The following PNPT1 variants were observed in gnomAD, a reference collection of about 807,000 sequenced individuals.
PNPT1 encodes the protein polyribonucleotide nucleotidyltransferase 1, also known as polyribonucleotide nucleotidyltransferase 1, mitochondrial.
Under a neutral mutation model 119.5 loss-of-function variants are expected in PNPT1, and 53 were observed. The ratio of observed to expected loss-of-function variants is 0.44; its 90% CI spans 0.36 to 0.56. The LOEUF (loss-of-function observed/expected upper bound fraction) is 0.56, where lower values mean the gene tolerates loss of function less well. Among genes scored for constraint, PNPT1 ranks in the 20% least tolerant of loss-of-function variants. The pLI, the probability that PNPT1 is intolerant of heterozygous loss-of-function variation, is 0.00. For missense variants in PNPT1, 948 were observed against 938.5 expected (o/e 1.01, Z -0.13); for synonymous variants, 357 against 322.1 (o/e 1.11, Z -1.16).
In PNPT1 at chr2:55,647,406, T is replaced by A. The variant is rs1213166669; in HGVS notation, c.1543A>T (p.Thr515Ser). The A allele has an allele frequency of 6.2e-7, 1 of 1,609,882 alleles. No homozygotes were observed. Among genetic ancestry groups the A allele is most frequent in the Admixed American group, 1.7e-5 (1 of 59,934 alleles). Reference sequence around the variant, plus strand: ...TCACCCTTCTCAGGATCGGTTTTGGTGACCAATCCTATTGCTACGCCTGCA... The same window carrying A: ...TCACCCTTCTCAGGATCGGTTTTGGAGACCAATCCTATTGCTACGCCTGCA... ...AVAGVAIGLV[T>S]KTDPEKGEIE... Residue 515 changes from threonine (T) to serine (S), a missense_variant, in exon 19 of 28, where the codon ACC becomes TCC. Coordinates refer to ENST00000447944, the MANE Select transcript of PNPT1 (RefSeq NM_033109.5).
chr2:55,642,409 A>G (rs1695859448), intron 25 of PNPT1, among the ~76,000 whole-genome samples: 1 of 151,390 alleles, frequency 6.6e-6, no homozygotes, highest in South Asian at 2.1e-4. Context: ...GATCGAGACC[A>G]TCCTGGCTAA....
At chr2:55,677,072 G>T (rs1386978456) in intron 8 of PNPT1, among the ~76,000 whole-genome samples, 1 of 152,192 alleles carries the variant, frequency 6.6e-6, no homozygotes, top group Non-Finnish European at 1.5e-5. Flanking sequence ...CTGAATAGCT[G>T]CATGGAAATA....
At chr2:55,645,515 A>C (rs1397961740) in intron 21 of PNPT1, 83 bp from the exon 22 acceptor site, 2 of 854,500 alleles carry the variant, frequency 2.3e-6, no homozygotes, top group Non-Finnish European at 3.7e-6. Context: ...CACGGTATAC[A>C]ATCTAAACCC....
intron 25 of PNPT1, among the ~76,000 whole-genome samples, chr2:55,642,952 A>C (rs1695878920): frequency 6.6e-6 from 1 of 152,146 alleles, no homozygotes; most frequent in Non-Finnish European, 1.5e-5. Flanking sequence ...CCATGTCTTT[A>C]CAAAAAAATT....
Position 55,673,019 on chromosome 2 carries a change from A to G in PNPT1, c.740T>C (p.Val247Ala), listed in dbSNP as rs761790478. 6.2e-7 allele frequency: 1 copy of G among 1,612,748 alleles called. No individual in the cohort carries two copies. The stretch of plus-strand genomic sequence containing the variant: ...TATTTGTTGGGTATATTTCACTCCC[A>G]CTTTGATAGCATGGCAAAAGTCCTG... ...LQQDFCHAIK[V>A]GVKYTQQIIQ... The change falls in exon 9 of 28, where the codon GTG becomes GCG. Residue 247 changes from valine (V) to alanine (A), a missense_variant. Coordinates refer to ENST00000447944, the MANE Select transcript of PNPT1 (RefSeq NM_033109.5).
chr2:55,661,656 A>G (rs1331618876), intron 14 of PNPT1, among the ~76,000 whole-genome samples: 1 of 152,212 alleles, frequency 6.6e-6, no homozygotes, highest in African/African-American at 2.4e-5. Flanking sequence ...AGAAAAACCA[A>G]TCCATTCAAG....
At chr2:55,686,247 T>C in intron 3 of PNPT1, 123 bp downstream of exon 3, 3 of 808,516 alleles carry the variant, frequency 3.7e-6, no homozygotes, top group Non-Finnish European at 5.7e-6. Context: ...ATCAAAAAAC[T>C]AGGAAAAATT....
In PNPT1 at chr2:55,683,864, C is replaced by T. The variant is rs373515322; in HGVS notation, c.404-30G>A. ...CAAAAGAAAAAAAAACACATTAAAC[C>T]GTACTGACAGAGTTGCTTTACAGTT... On this transcript the variant is annotated intron_variant, in intron 4 of 27. Coordinates refer to ENST00000447944, the MANE Select transcript of PNPT1 (RefSeq NM_033109.5). 19 of 1,606,224 alleles carry T rather than the reference C, an allele frequency of 1.2e-5. 1 individual carries two copies. The highest frequency in any genetic ancestry group is 8.9e-5 in the East Asian group (4 of 44,802).
rs747893131 is a variant in PNPT1 at position 55,693,811 on chromosome 2, T to C, written c.13A>G (p.Arg5Gly). ...AGCCGGAGGCACGAGCAGCAGTACC[T>C]GCAGGCCGCCATGACACCCGGCACG... Reference protein sequence around the residue: MAACRYCCSCLRLRP... With the variant: MAACGYCCSCLRLRP... Residue 5 changes from arginine (R) to glycine (G), a missense_variant, in exon 1 of 28, where the codon AGG (arginine) becomes GGG (glycine). Transcript: ENST00000447944. The C allele has an allele frequency of 3.1e-6, 5 of 1,613,698 alleles. No homozygotes were observed. Among genetic ancestry groups the C allele is most frequent in the Non-Finnish European group, 8.5e-7 (1 of 1,180,024 alleles).
intron 15 of PNPT1, among the ~76,000 whole-genome samples, chr2:55,657,940 A>T (rs971355638): frequency 2.7e-5 from 4 of 147,290 alleles, no homozygotes; most frequent in Admixed American, 1.4e-4. Context: ...ATTTAAAAAG[A>T]CTTAAAGAAA....
chr2:55,637,441 A>G lies in PNPT1; in HGVS notation c.2196+111T>C. On this transcript the variant is annotated intron_variant, in intron 27 of 27. Coordinates refer to ENST00000447944, the MANE Select transcript of PNPT1 (RefSeq NM_033109.5). ...TAAGATTAAAAATGAAGTACTGCAT[A>G]CAAATAAAAAACTTCATAGATGGTG... 3.1e-6 allele frequency: 3 copies of G among 960,074 alleles called. No individual in the cohort carries two copies. The South Asian group carries it at 4.3e-5, about 14-fold the overall frequency. 59.5% of individuals were successfully genotyped at this position (960,074 alleles called of 1,614,324 possible). A position where few individuals can be genotyped will look rare whatever the true frequency, so the allele number is the denominator to read the frequency against.
chr2:55,675,931 T>A (rs1404722148), intron 8 of PNPT1, among the ~76,000 whole-genome samples: 1 of 152,158 alleles, frequency 6.6e-6, no homozygotes, highest in Non-Finnish European at 1.5e-5. Context: ...AACACTGCTA[T>A]CGATGCTAAA....
At chr2:55,688,116 T>A (rs1697472926) in intron 1 of PNPT1, among the ~76,000 whole-genome samples, 2 of 151,882 alleles carry the variant, frequency 1.3e-5, no homozygotes, top group African/African-American at 4.8e-5. Flanking sequence ...CAATTACAGC[T>A]CACTGCAACC....
intron 17 of PNPT1, 76 bp from the exon 18 acceptor site, chr2:55,655,029 C>T: frequency 7.7e-7 from 1 of 1,300,328 alleles, no homozygotes; most frequent in Non-Finnish European, 1.1e-6. Context: ...TGGTTATTTC[C>T]TTATAAATAT....
chr2:55,647,040 T>A (rs1052892386), intron 19 of PNPT1, among the ~76,000 whole-genome samples: 1 of 152,090 alleles, frequency 6.6e-6, no homozygotes, highest in African/African-American at 2.4e-5. Context: ...TTTTGCCACA[T>A]TAGCCAGACT....
intron 8 of PNPT1, among the ~76,000 whole-genome samples, chr2:55,678,344 G>A (rs769481258): frequency 5.3e-5 from 8 of 152,114 alleles, no homozygotes; most frequent in East Asian, 1.9e-4. Flanking sequence ...CTCACAGTAC[G>A]AATCCCACCT....
At chr2:55,653,593 G>C (rs1052401578) in intron 18 of PNPT1, among the ~76,000 whole-genome samples, 5 of 152,218 alleles carry the variant, frequency 3.3e-5, no homozygotes, top group Non-Finnish European at 5.9e-5. Context: ...TTGGCACATA[G>C]GTGCCACAAA....
At chr2:55,674,261 G>A (rs960770776) in intron 8 of PNPT1, among the ~76,000 whole-genome samples, 2 of 152,116 alleles carry the variant, frequency 1.3e-5, no homozygotes, top group African/African-American at 2.4e-5. Flanking sequence ...AGACATCGTG[G>A]ACTGTTAGAA....
chr2:55,655,095 G>T, intron 17 of PNPT1, 142 bp from the exon 18 acceptor site: 2 of 772,794 alleles, frequency 2.6e-6, no homozygotes, highest in South Asian at 2.0e-5. Context: ...ACTAAGGCAA[G>T]GTCTTTTAAG....
Sources: gnomAD v4.1 joint callset for allele counts (sites outside exome capture counted in the v4.1 genomes callset) on GRCh38, gnomAD v4.1.1 for gene constraint, MANE v1.5 for transcripts, NCBI Gene and HGNC (gene_info 2026-07-23, HGNC 2026-07-21) for gene names.